LINGO3: variants seen among roughly 807,000 people sequenced by gnomAD.
The protein encoded by LINGO3 is leucine-rich repeat and immunoglobulin-like domain-containing nogo receptor-interacting protein 3.
For missense variants in LINGO3, 750 were observed against 867.7 expected (o/e 0.86, Z 1.70); for synonymous variants, 427 against 444.2 (o/e 0.96, Z 0.49).
upstream of LINGO3, among the ~76,000 whole-genome samples, chr19:2,295,733 G>A (rs111317613): frequency 0.01 from 1,541 of 152,240 alleles, 12 homozygotes; most frequent in East Asian, 0.042. Context: ...GGGAAACTCC[G>A]TCTCAATAAA....
chr19:2,290,121 C>A lies in LINGO3; in HGVS notation c.1656G>T (p.Trp552Cys), dbSNP rs370480850. The A allele has an allele frequency of 4.3e-6, 7 of 1,611,390 alleles. No homozygotes were observed. The highest frequency in any genetic ancestry group is 5.9e-6 in the Non-Finnish European group (7 of 1,179,080). ...TTTTGTGCTGCCCGCGGCCGCGGCT[C>A]CACACGAACAGCAGCACGAAGCAGA... The change falls in exon 1 of 1, where the codon TGG (tryptophan) becomes TGT (cysteine). Residue 552 changes from tryptophan to cysteine, a missense_variant. Coordinates refer to ENST00000585527, the Ensembl canonical transcript of LINGO3. This position sits in a 1 kb window ranked among gnomAD's most constrained non-coding sequence, Gnocchi z 6.0.
the LINGO3 span, among the ~76,000 whole-genome samples, chr19:2,303,924 A>G: frequency 6.6e-6 from 1 of 152,210 alleles, no homozygotes; most frequent in Non-Finnish European, 1.5e-5. Context: ...CCTTGGGCAG[A>G]GACATCGAAG....
the LINGO3 span, among the ~76,000 whole-genome samples, chr19:2,303,222 G>T: frequency 6.6e-6 from 1 of 152,226 alleles, no homozygotes; most frequent in African/African-American, 2.4e-5. Flanking sequence ...CAATCGGACT[G>T]GCTGTGGCCC....
exon 1 of LINGO3, chr19:2,291,964 A>C: frequency 1.6e-6 from 1 of 616,538 alleles, no homozygotes; most frequent in Non-Finnish European, 3.0e-6. Context: ...AGATGGAAGA[A>C]TTGCTTGAGT....
downstream of LINGO3, among the ~76,000 whole-genome samples, chr19:2,288,271 T>C (rs931757286): frequency 2.0e-5 from 3 of 152,126 alleles, no homozygotes; most frequent in Admixed American, 6.5e-5. This position sits in a 1 kb window ranked among gnomAD's most constrained non-coding sequence, Gnocchi z 6.5. Flanking sequence ...AGGACCCGGG[T>C]CCAGGCCTCC....
At chr19:2,292,964 AG>A (rs2025540565), upstream of LINGO3, among the ~76,000 whole-genome samples, 1 of 152,178 alleles carries the variant, frequency 6.6e-6, no homozygotes, top group Non-Finnish European at 1.5e-5. Context: ...AGCCATGAAA[AG>A]GAGTGAGGCT....
At chr19:2,292,138 T>A, upstream of LINGO3, 1 of 306,720 alleles carries the variant, frequency 3.3e-6, no homozygotes, top group Non-Finnish European at 6.3e-6. Flanking sequence ...CAGTGAGATA[T>A]GCTTGTGCCA....
the LINGO3 span, among the ~76,000 whole-genome samples, chr19:2,306,529 T>C: frequency 3.0e-4 from 46 of 152,252 alleles, no homozygotes; most frequent in African/African-American, 1.1e-3. Context: ...CGGCTTACCC[T>C]GGGGGTGGAC....
At chr19:2,298,967 C>T in the LINGO3 span, among the ~76,000 whole-genome samples, 6 of 152,264 alleles carry the variant, frequency 3.9e-5, no homozygotes, top group Middle Eastern at 6.8e-3. Context: ...GAAGTGCCTG[C>T]GGGAGGCCTC....
At chr19:2,304,009 G>A in the LINGO3 span, among the ~76,000 whole-genome samples, 1 of 152,224 alleles carries the variant, frequency 6.6e-6, no homozygotes, top group South Asian at 2.1e-4. Context: ...CTGAGCGAGT[G>A]AGAAGTCAGG....
downstream of LINGO3, among the ~76,000 whole-genome samples, chr19:2,288,467 C>A (rs894515484): frequency 6.6e-5 from 10 of 152,196 alleles, no homozygotes; most frequent in African/African-American, 2.4e-4. The surrounding 1 kb of genome is among the most constrained non-coding windows in gnomAD (Gnocchi z 6.5). Context: ...GTCATGTGTA[C>A]CTAGGGGCAA....
the LINGO3 span, among the ~76,000 whole-genome samples, chr19:2,306,045 G>A: frequency 1.3e-5 from 2 of 152,252 alleles, no homozygotes; most frequent in African/African-American, 4.8e-5. Context: ...TTCCCAGCCT[G>A]TACACGGGGG....
upstream of LINGO3, among the ~76,000 whole-genome samples, chr19:2,295,966 A>G (rs2025567931): frequency 6.6e-6 from 1 of 151,582 alleles, no homozygotes; most frequent in Non-Finnish European, 1.5e-5. Context: ...GCTTGGGAAC[A>G]TAGGAAACTC....
exon 1 of LINGO3, chr19:2,291,093 C>T: frequency 6.2e-7 from 1 of 1,609,690 alleles, no homozygotes; most frequent in Non-Finnish European, 8.5e-7. Context: ...AGTTGTCAAT[C>T]TCCAGGTGCA....
chr19:2,289,859 G>A, exon 1 of LINGO3: 2 of 661,254 alleles, frequency 3.0e-6, no homozygotes, highest in Non-Finnish European at 5.1e-6. Context: ...TCCTGCGGTT[G>A]GGCGTCTACA....
upstream of LINGO3, among the ~76,000 whole-genome samples, chr19:2,294,621 T>C (rs1309905547): frequency 1.4e-5 from 2 of 147,284 alleles, no homozygotes; most frequent in Non-Finnish European, 1.5e-5. The surrounding 1 kb of genome is among the most constrained non-coding windows in gnomAD (Gnocchi z 4.3). Flanking sequence ...GGCGGGGAGC[T>C]GGGTTAGGAG....
chr19:2,298,366 G>T, the LINGO3 span, among the ~76,000 whole-genome samples: 1 of 151,560 alleles, frequency 6.6e-6, no homozygotes, highest in Admixed American at 6.6e-5. Flanking sequence ...AAGTAGCTGG[G>T]ATTATAGGCA....
At chr19:2,304,275 A>G in the LINGO3 span, among the ~76,000 whole-genome samples, 1 of 152,234 alleles carries the variant, frequency 6.6e-6, no homozygotes, top group Non-Finnish European at 1.5e-5. Flanking sequence ...CAAGAAACAG[A>G]AGAAACAAGT....
the LINGO3 span, among the ~76,000 whole-genome samples, chr19:2,307,473 G>T: frequency 1.2e-3 from 179 of 151,944 alleles, 1 homozygote; most frequent in East Asian, 0.025. Context: ...GGGAGGTGGC[G>T]GCACCCACTC....
Sources: gnomAD v4.1 joint callset for allele counts (sites outside exome capture counted in the v4.1 genomes callset) on GRCh38, gnomAD v4.1.1 for gene constraint, Gnocchi (gnomAD v3.1) non-coding constraint, MANE v1.5 for transcripts, NCBI Gene and HGNC (gene_info 2026-07-23, HGNC 2026-07-21) for gene names.